The following LYN variants were observed in gnomAD, a reference collection of about 807,000 sequenced individuals.
LYN encodes the protein tyrosine-protein kinase Lyn.
LYN carries 12 observed loss-of-function variants against 65.0 expected under a neutral mutation model. That is an observed-to-expected ratio of 0.18 (90% CI 0.12 to 0.30). The LOEUF (loss-of-function observed/expected upper bound fraction) is 0.30, where lower values mean the gene tolerates loss of function less well. LYN is among the 10% of genes least tolerant of loss of function. LYN has a pLI of 1.00. For missense variants in LYN, 380 were observed against 623.2 expected, an observed-to-expected ratio of 0.61 and a Z score of 4.16; for synonymous variants, 222 against 221.2, an observed-to-expected ratio of 1.00 and a Z score of -0.03.
chr8:55,973,384 T>G (rs1338815209), intron 10 of LYN, among the ~76,000 whole-genome samples: 2 of 152,242 alleles, frequency 1.3e-5, no homozygotes, highest in Non-Finnish European at 2.9e-5. Flanking sequence ...CTTTACCCAC[T>G]GCTTTTCTCT....
intron 1 of LYN, among the ~76,000 whole-genome samples, chr8:55,919,133 A>G (rs1449463077): frequency 2.6e-5 from 4 of 152,130 alleles, no homozygotes; most frequent in Non-Finnish European, 5.9e-5. Flanking sequence ...AGCAGAAATA[A>G]TAGGGGAGAA....
chr8:55,887,389 A>G (rs2130353724), intron 1 of LYN, among the ~76,000 whole-genome samples: 1 of 152,136 alleles, frequency 6.6e-6, no homozygotes, highest in Admixed American at 6.5e-5. Context: ...TGCATTTCAA[A>G]CAATTTTTAT....
intron 4 of LYN, among the ~76,000 whole-genome samples, chr8:55,948,026 T>C (rs1042963465): frequency 6.6e-6 from 1 of 152,116 alleles, no homozygotes; most frequent in African/African-American, 2.4e-5. Flanking sequence ...CAGGCTAGAA[T>C]GCAGTGGCAT....
intron 12 of LYN, among the ~76,000 whole-genome samples, chr8:56,002,402 G>C (rs907462189): frequency 2.6e-5 from 4 of 151,262 alleles, no homozygotes; most frequent in African/African-American, 9.8e-5. Flanking sequence ...CTGGGTGACA[G>C]AGCGAGACTC....
chr8:55,994,483 C>A (rs139057576), intron 10 of LYN, among the ~76,000 whole-genome samples: 1 of 152,100 alleles, frequency 6.6e-6, no homozygotes. Flanking sequence ...TATGCAAATG[C>A]GGGATGTGGG....
chr8:55,960,988 T>C (rs2668021), intron 8 of LYN, among the ~76,000 whole-genome samples: 40,814 of 152,056 alleles, frequency 0.27, 6,114 homozygotes, highest in African/African-American at 0.38. Flanking sequence ...AACTGGGCAG[T>C]GAGGCTAAGG....
intron 1 of LYN, 101 bp from the exon 2 acceptor site, chr8:55,941,754 T>G: frequency 3.8e-6 from 3 of 793,484 alleles, no homozygotes; most frequent in Non-Finnish European, 4.0e-6. Flanking sequence ...TGATAAAGAA[T>G]AAAAGTATAT....
intron 10 of LYN, among the ~76,000 whole-genome samples, chr8:55,983,716 C>T (rs748898641): frequency 1.2e-4 from 19 of 152,172 alleles, no homozygotes; most frequent in Non-Finnish European, 2.5e-4. Context: ...GCTTCTGGGA[C>T]ACTGTTCTCT....
At chr8:55,978,255 C>T (rs1807811534) in intron 10 of LYN, among the ~76,000 whole-genome samples, 1 of 152,102 alleles carries the variant, frequency 6.6e-6, no homozygotes, top group Non-Finnish European at 1.5e-5. Flanking sequence ...GCCCCAGCCA[C>T]CGTATACAAA....
At chr8:55,896,800 G>A (rs752636074) in intron 1 of LYN, among the ~76,000 whole-genome samples, 66 of 152,102 alleles carry the variant, frequency 4.3e-4, no homozygotes, top group African/African-American at 1.2e-3. Flanking sequence ...GTGCAGTGGC[G>A]TGATCTCGGC....
intron 12 of LYN, among the ~76,000 whole-genome samples, chr8:56,001,244 G>GTGAATGAA (rs374876510): frequency 3.3e-5 from 5 of 152,176 alleles, no homozygotes; most frequent in South Asian, 4.1e-4. Context: ...GGATGGATGG[G>GTGAATGAA]TGAATGAATG....
chr8:55,953,887 A>G lies in LYN; in HGVS notation c.693A>G (p.Pro231=), dbSNP rs1481347841. 2 of 1,614,076 alleles carry G rather than the reference A, an allele frequency of 1.2e-6. No individual in the cohort carries two copies. Among genetic ancestry groups the G allele is most frequent in the Admixed American group, 3.3e-5 (2 of 60,018 alleles). The change falls in exon 8 of 13, where the codon CCA becomes CCG. Residue 231 remains proline, a synonymous_variant. Transcript: ENST00000519728. ...RLEKACISPK[P]QKPWDKDAWE... is the part of the protein sequence containing the mutation. ...AGAAGGCTTGTATTAGTCCCAAGCC[A>G]CAGAAGCCATGGGATAAAGATGCCT... is the stretch of plus-strand genomic sequence containing the variant.
chr8:56,007,965 A>G (rs1037775129), intron 12 of LYN, among the ~76,000 whole-genome samples: 1 of 151,938 alleles, frequency 6.6e-6, no homozygotes, highest in African/African-American at 2.4e-5. Context: ...CTAAAAATAC[A>G]AAAATTAGCC....
chr8:55,879,886 G>A lies in LYN; in HGVS notation c.-223G>A, dbSNP rs755385445. The stretch of plus-strand genomic sequence containing the variant: ...CGCTGCCGCTCGCTCCCCGGCCGTG[G>A]CGCCTCCGGGCCAGACGCGCTGCAG... On this transcript the variant is annotated 5_prime_UTR_variant, in exon 1 of 13. Coordinates refer to ENST00000519728, the MANE Select transcript of LYN (RefSeq NM_002350.4). The A allele has an allele frequency of 2.3e-4, 44 of 188,702 alleles. No individual in the cohort carries two copies. Among genetic ancestry groups the A allele is most frequent in the Non-Finnish European group, 3.5e-4 (32 of 91,770 alleles). The allele number at this position is 188,702 out of a possible 1,614,324, so 11.7% of individuals were successfully genotyped here. A position where few individuals can be genotyped will look rare whatever the true frequency, so the allele number is the denominator to read the frequency against.
rs372132706 is a variant in LYN at position 55,897,957 on chromosome 8, AT to A, written c.-6+17861del. Among the ~76,000 whole-genome samples, 83 of 152,242 alleles carry A rather than the reference AT, an allele frequency of 5.5e-4. 3 individuals are homozygous for A. The South Asian group carries it at 0.015, about 28-fold the overall frequency. Reference sequence around the variant, plus strand: ...AAAAACTTTTAAAGATTAGTAAGCAATTTTTTTCTTTGGAAAAAATTAAAAT... The same window carrying A: ...AAAAACTTTTAAAGATTAGTAAGCAATTTTTTCTTTGGAAAAAATTAAAAT... On this transcript the variant is annotated intron_variant, in intron 1 of 12. Transcript: ENST00000519728.
At chr8:55,894,724 G>A (rs950224255) in intron 1 of LYN, among the ~76,000 whole-genome samples, 10 of 152,050 alleles carry the variant, frequency 6.6e-5, no homozygotes, top group African/African-American at 2.2e-4. Flanking sequence ...TAGTAGAGAC[G>A]GGGTTTTGCC....
intron 10 of LYN, among the ~76,000 whole-genome samples, chr8:55,975,619 A>G (rs912985389): frequency 1.1e-4 from 16 of 152,210 alleles, no homozygotes; most frequent in Admixed American, 5.9e-4. Context: ...TAAATGCTCT[A>G]TTTATCTTTT....
At position 55,990,108 on chromosome 8, in the gene LYN, G is replaced by A. The variant is rs191752701; in HGVS notation, c.1051-8238G>A. 5.0e-4 allele frequency among the ~76,000 whole-genome samples: 76 copies of A among 151,928 alleles called. No homozygotes were observed. The East Asian group carries it at 9.3e-3, about 19-fold the overall frequency. On this transcript the variant is annotated intron_variant, in intron 10 of 12. Transcript: ENST00000519728. Reference sequence around the variant, plus strand: ...ATAAAAATTAGCCAGGCATGGTGGCGGACACCTGTAGTCCCAGCTACTCAG... The same window carrying A: ...ATAAAAATTAGCCAGGCATGGTGGCAGACACCTGTAGTCCCAGCTACTCAG...
At chr8:55,991,755 C>A (rs927161574) in intron 10 of LYN, among the ~76,000 whole-genome samples, 4 of 152,128 alleles carry the variant, frequency 2.6e-5, no homozygotes, top group African/African-American at 7.2e-5. Flanking sequence ...CATGGTGCAC[C>A]CCCACATGCT....
Sources: allele counts gnomAD v4.1 joint callset (sites outside exome capture counted in the v4.1 genomes callset), GRCh38; gene constraint gnomAD v4.1.1; transcripts MANE v1.5; gene names NCBI Gene and HGNC (gene_info 2026-07-23, HGNC 2026-07-21).